Variants in HECW2 observed in about 807,000 individuals in gnomAD.
HECW2 encodes HECT, C2 and WW domain containing E3 ubiquitin protein ligase 2.
In HECW2, 61 loss-of-function variants were observed where a neutral mutation model predicts 175.2. The ratio of observed to expected loss-of-function variants is 0.35; its 90% CI spans 0.28 to 0.43. HECW2 has a LOEUF of 0.43. HECW2 is among the 20% of genes least tolerant of loss of function. The pLI, the probability that HECW2 is intolerant of heterozygous loss-of-function variation, is 1.00. For missense variants in HECW2, 1,524 were observed against 2,000.5 expected (o/e 0.76, Z 4.54); for synonymous variants, 671 against 731.0 (o/e 0.92, Z 1.32).
chr2:196,478,988 G>C (rs1354295293), intron 1 of HECW2, among the ~76,000 whole-genome samples: 1 of 152,210 alleles, frequency 6.6e-6, no homozygotes, highest in African/African-American at 2.4e-5. Context: ...GCCAATGTGA[G>C]GGCCAACAAG....
At chr2:196,274,641 T>C (rs191780139) in intron 15 of HECW2, among the ~76,000 whole-genome samples, 16 of 152,330 alleles carry the variant, frequency 1.1e-4, no homozygotes, top group Admixed American at 3.3e-4. Flanking sequence ...TATTATCTCC[T>C]CAGGAGCAAT....
intron 8 of HECW2, 152 bp downstream of exon 8, chr2:196,320,187 T>C: frequency 1.6e-6 from 1 of 642,920 alleles, no homozygotes; most frequent in Non-Finnish European, 2.7e-6. Context: ...CCTACTTGCT[T>C]AGAAAATTTC....
intron 2 of HECW2, among the ~76,000 whole-genome samples, chr2:196,429,607 T>C (rs903169358): frequency 6.6e-6 from 1 of 152,254 alleles, no homozygotes; most frequent in Non-Finnish European, 1.5e-5. Flanking sequence ...GAAGTGGTTT[T>C]CAGACATTGG....
intron 4 of HECW2, among the ~76,000 whole-genome samples, chr2:196,333,567 AT>A (rs148665910): frequency 6.6e-6 from 1 of 152,142 alleles, no homozygotes; most frequent in Non-Finnish European, 1.5e-5. Context: ...AGGAGTCAGT[AT>A]TTTTTCTATG....
At chr2:196,358,403 G>A (rs1011325493) in intron 2 of HECW2, among the ~76,000 whole-genome samples, 4 of 151,406 alleles carry the variant, frequency 2.6e-5, no homozygotes, top group Non-Finnish European at 4.4e-5. Context: ...ATGAAACCCT[G>A]TCTCTACTAA....
At chr2:196,476,434 C>A (rs1686619459) in intron 1 of HECW2, among the ~76,000 whole-genome samples, 4 of 148,204 alleles carry the variant, frequency 2.7e-5, no homozygotes, top group Admixed American at 2.0e-4. Flanking sequence ...CAAAGCGAGA[C>A]TCCATCTCAA....
chr2:196,560,464 T>A (rs1382267415), intron 1 of HECW2, among the ~76,000 whole-genome samples: 1 of 152,234 alleles, frequency 6.6e-6, no homozygotes, highest in African/African-American at 2.4e-5. Flanking sequence ...CTGTTTCTTA[T>A]CTGAGATCTT....
intron 1 of HECW2, among the ~76,000 whole-genome samples, chr2:196,434,913 C>T (rs545443253): frequency 4.6e-5 from 7 of 152,318 alleles, no homozygotes; most frequent in East Asian, 1.9e-4. Flanking sequence ...TGACAGCTAA[C>T]GACCTTGGCT....
chr2:196,414,207 T>C (rs1320779942), intron 2 of HECW2, among the ~76,000 whole-genome samples: 2 of 152,312 alleles, frequency 1.3e-5, no homozygotes, highest in East Asian at 3.9e-4. Flanking sequence ...AGCTGTCAGT[T>C]AGCTTGACTC....
intron 1 of HECW2, among the ~76,000 whole-genome samples, chr2:196,474,550 G>A (rs892954068): frequency 2.0e-4 from 30 of 152,184 alleles, no homozygotes; most frequent in Admixed American, 3.9e-4. Flanking sequence ...TTGGACACCA[G>A]CTCAGAAAAT....
At position 196,242,078 on chromosome 2, in the gene HECW2, A is replaced by C; in HGVS notation, c.3650+6T>G. 1 of 1,613,748 alleles carries C rather than the reference A, an allele frequency of 6.2e-7. No homozygotes were observed. Among genetic ancestry groups the C allele is most frequent in the Non-Finnish European group, 8.5e-7 (1 of 1,179,726 alleles). On this transcript the variant is annotated splice_donor_region_variant and intron_variant, in intron 20 of 28. Coordinates refer to ENST00000644978, the MANE Select transcript of HECW2 (RefSeq NM_001348768.2). ...ACATTATGTGGTTTGTGTCACTTTG[A>C]CTTACTTTAACTTCCCTGGGCCTTG...
intron 19 of HECW2, 84 bp downstream of exon 19, chr2:196,253,836 C>T: frequency 1.6e-6 from 2 of 1,245,876 alleles, no homozygotes; most frequent in Non-Finnish European, 2.3e-6. Context: ...TGTTCCCTTA[C>T]TGTTCTGTCT....
At chr2:196,380,414 G>A (rs1209750962) in intron 2 of HECW2, among the ~76,000 whole-genome samples, 1 of 152,282 alleles carries the variant, frequency 6.6e-6, no homozygotes, top group East Asian at 1.9e-4. Context: ...ATATATTTGA[G>A]CTTTTCAAAG....
chr2:196,253,822 G>A (rs1049610947), intron 19 of HECW2, 98 bp downstream of exon 19: 4 of 1,092,940 alleles, frequency 3.7e-6, no homozygotes, highest in Non-Finnish European at 5.5e-6. Context: ...AGATGTACCT[G>A]AAGTGTTCCC....
Position 196,345,849 on chromosome 2 carries a change from C to G in HECW2, c.293-2085G>C, listed in dbSNP as rs1030378439. 1.3e-5 allele frequency among the ~76,000 whole-genome samples: 2 copies of G among 152,166 alleles called. 1 individual carries two copies. The highest frequency in any genetic ancestry group is 1.3e-4 in the Admixed American group (2 of 15,276). The stretch of plus-strand genomic sequence containing the variant: ...ACCTTCTGAAAGATACTTTAATTAG[C>G]AGAGCTGCTTGGATGCTGGGAGAAG... On this transcript the variant is annotated intron_variant, in intron 2 of 28. Transcript: ENST00000644978.
intron 14 of HECW2, 131 bp from the exon 15 acceptor site, chr2:196,278,793 T>C (rs1436838433): frequency 9.4e-7 from 1 of 1,061,784 alleles, no homozygotes; most frequent in African/African-American, 1.6e-5. Context: ...TTTTCAATCT[T>C]TGGGGAAATT....
At chr2:196,225,011 G>C (rs1687798559) in intron 23 of HECW2, among the ~76,000 whole-genome samples, 1 of 152,156 alleles carries the variant, frequency 6.6e-6, no homozygotes, top group Non-Finnish European at 1.5e-5. Flanking sequence ...GCAAGTGCGT[G>C]GCCTCAGTTA....
chr2:196,590,488 C>A (rs2125540022), intron 1 of HECW2, among the ~76,000 whole-genome samples: 1 of 152,336 alleles, frequency 6.6e-6, no homozygotes, highest in Admixed American at 6.5e-5. Context: ...AGAAAGTAGT[C>A]AGCAATGCAC....
rs1686744148 is a variant in HECW2, at chr2:196,198,027, C to T, written c.*3250G>A. On this transcript the variant is annotated 3_prime_UTR_variant, in exon 29 of 29. Coordinates refer to ENST00000644978, the MANE Select transcript of HECW2 (RefSeq NM_001348768.2). Reference sequence around the variant, plus strand: ...GAAAATTGTGACCATACTTCTTTGACCAAGATCCATTCATTTTGTGCACAA... The same window carrying T: ...GAAAATTGTGACCATACTTCTTTGATCAAGATCCATTCATTTTGTGCACAA... 6.6e-6 allele frequency: 1 copy of T among 152,122 alleles called. No individual in the cohort carries two copies. Among genetic ancestry groups the T allele is most frequent in the African/African-American group, 2.4e-5 (1 of 41,428 alleles). 9.4% of individuals were successfully genotyped at this position (152,122 alleles called of 1,614,324 possible). A position where few individuals can be genotyped will look rare whatever the true frequency, so the allele number is the denominator to read the frequency against.
Sources: gnomAD v4.1 joint callset for allele counts (sites outside exome capture counted in the v4.1 genomes callset) on GRCh38, gnomAD v4.1.1 for gene constraint, MANE v1.5 for transcripts, NCBI Gene and HGNC (gene_info 2026-07-23, HGNC 2026-07-21) for gene names.